Variants in CRLF3 observed in about 807,000 individuals in gnomAD.
CRLF3 encodes the protein cytokine receptor-like factor 3.
CRLF3 carries 33 observed loss-of-function variants against 55.0 expected under a neutral mutation model. That is an observed-to-expected ratio of 0.60 (90% CI 0.46 to 0.80). CRLF3 has a LOEUF of 0.80. Among genes scored for constraint, CRLF3 ranks in the 30% least tolerant of loss-of-function variants. The probability of loss-of-function intolerance (pLI) is 0.00; values close to 1 mark genes in which losing one functional copy is unlikely to be tolerated. For synonymous variants in CRLF3, 238 were observed against 196.8 expected, an observed-to-expected ratio of 1.21 and a Z score of -1.75; for missense variants, 494 against 538.4, an observed-to-expected ratio of 0.92 and a Z score of 0.82.
Position 30,792,528 on chromosome 17 carries a change from T to C in CRLF3, c.871A>G (p.Asn291Asp). 6.2e-7 allele frequency: 1 copy of C among 1,612,566 alleles called. No homozygotes were observed. Among genetic ancestry groups the C allele is most frequent in the Non-Finnish European group, 8.5e-7 (1 of 1,178,676 alleles). Residue 291 changes from asparagine to aspartate, a missense_variant, in exon 6 of 8, where the codon AAT becomes GAT. Transcript: ENST00000324238. Reference protein sequence around the residue: ...FEGYSLSSRRNIALRNDSESS... With the variant: ...FEGYSLSSRRDIALRNDSESS... ...TCAGAATCGTTCCGAAGTGCTATAT[T>C]TCTTCGACTGCTCAGACTGTACCCC... is the stretch of plus-strand genomic sequence containing the variant.
rs371153986 is a variant in CRLF3, at chr17:30,789,959, T to C, written c.959+2481A>G. On this transcript the variant is annotated intron_variant, in intron 6 of 7. Transcript: ENST00000324238. Reference sequence around the variant, plus strand: ...TAAGTACAGAAAACTCATGATTACCTGGGGAATAGTTAAATAGATTTTAGG... The same window carrying C: ...TAAGTACAGAAAACTCATGATTACCCGGGGAATAGTTAAATAGATTTTAGG... Among the ~76,000 whole-genome samples, 15 of 151,884 alleles carry C rather than the reference T, an allele frequency of 9.9e-5. No homozygotes were observed. The East Asian group carries it at 2.9e-3, about 29-fold the overall frequency.
chr17:30,788,051 G>C (rs552678115), intron 6 of CRLF3, among the ~76,000 whole-genome samples: 5 of 151,764 alleles, frequency 3.3e-5, no homozygotes, highest in Non-Finnish European at 7.4e-5. Flanking sequence ...AAAATAGGCC[G>C]GGTGCAGTGG....
intron 6 of CRLF3, chr17:30,787,717 G>A (rs1025063672): frequency 1.3e-5 from 2 of 152,078 alleles, no homozygotes; most frequent in African/African-American, 4.8e-5. Flanking sequence ...TGGGGAGGAG[G>A]GGCCGGGCAT....
chr17:30,795,836 C>T (rs993516998), intron 4 of CRLF3, among the ~76,000 whole-genome samples: 39 of 151,704 alleles, frequency 2.6e-4, no homozygotes, highest in African/African-American at 8.7e-4. Flanking sequence ...CTCAGGAGGC[C>T]GAAGCAGGAG....
At chr17:30,795,171 A>G (rs1309767770) in intron 4 of CRLF3, among the ~76,000 whole-genome samples, 2 of 151,308 alleles carry the variant, frequency 1.3e-5, no homozygotes, top group Non-Finnish European at 2.9e-5. Context: ...TAAAAAAAGA[A>G]AAAAAAATTT....
chr17:30,795,876 C>A (rs1280581512), intron 4 of CRLF3, among the ~76,000 whole-genome samples: 1 of 151,858 alleles, frequency 6.6e-6, no homozygotes, highest in East Asian at 1.9e-4. Flanking sequence ...AAGCGGCAGG[C>A]GGGGGAGGGC....
chr17:30,824,120 C>A (rs1905069583), intron 1 of CRLF3, among the ~76,000 whole-genome samples: 1 of 151,964 alleles, frequency 6.6e-6, no homozygotes, highest in African/African-American at 2.4e-5. Flanking sequence ...ACTGTCCCAC[C>A]TCTTCCTCAG....
At chr17:30,816,435 C>T (rs1011711750) in intron 1 of CRLF3, among the ~76,000 whole-genome samples, 6 of 151,472 alleles carry the variant, frequency 4.0e-5, no homozygotes, top group African/African-American at 1.5e-4. Flanking sequence ...TAATGGTAGT[C>T]CCATAACATT....
In CRLF3 at chr17:30,793,503, TC is replaced by T; in HGVS notation, c.772del (p.Glu258SerfsTer10). ...CTGGGGGACACTCCAAGGACTCCAC[TC>T]CTGTCGGCCATCTCCTCGGGCGCAG... is the stretch of plus-strand genomic sequence containing the variant. ...RVCARGDGRQEWSPWSVPQIG... is the reference protein window; with the variant it reads ...RVCARGDGRQXWSPWSVPQIG... On this transcript the variant is annotated frameshift_variant, in exon 5 of 8. Coordinates refer to ENST00000324238, the MANE Select transcript of CRLF3 (RefSeq NM_015986.4). LOFTEE classifies it high-confidence loss of function. The T allele has an allele frequency of 6.2e-7, 1 of 1,614,138 alleles. No individual in the cohort carries two copies. Among genetic ancestry groups the T allele is most frequent in the Non-Finnish European group, 8.5e-7 (1 of 1,180,022 alleles).
chr17:30,813,982 T>C (rs2142270611), intron 1 of CRLF3, among the ~76,000 whole-genome samples: 1 of 152,124 alleles, frequency 6.6e-6, no homozygotes, highest in East Asian at 1.9e-4. Flanking sequence ...CTGGGTTGGG[T>C]GTGGTGGCTC....
chr17:30,808,608 T>TA (rs1374639458), intron 1 of CRLF3, among the ~76,000 whole-genome samples: 316 of 142,764 alleles, frequency 2.2e-3, no homozygotes, highest in African/African-American at 6.8e-3. Flanking sequence ...ATATATATAT[T>TA]TTTTTTTTGA....
At chr17:30,785,501 C>A (rs1812333315) in intron 7 of CRLF3, among the ~76,000 whole-genome samples, 1 of 152,018 alleles carries the variant, frequency 6.6e-6, no homozygotes, top group South Asian at 2.1e-4. Context: ...AACTTTCAGC[C>A]AGCCACGGTG....
intron 1 of CRLF3, among the ~76,000 whole-genome samples, chr17:30,818,804 T>C (rs1904892440): frequency 6.7e-6 from 1 of 150,018 alleles, no homozygotes; most frequent in Non-Finnish European, 1.5e-5. Flanking sequence ...TCTTGGTTTT[T>C]TGAAATAACT....
chr17:30,815,396 AT>A (rs1423370089), intron 1 of CRLF3, among the ~76,000 whole-genome samples: 2 of 150,624 alleles, frequency 1.3e-5, no homozygotes, highest in Admixed American at 6.6e-5. Context: ...AACTTTTTGT[AT>A]TTTTAGTAGA....
chr17:30,804,250 G>A, intron 1 of CRLF3, 142 bp from the exon 2 acceptor site: 1 of 642,322 alleles, frequency 1.6e-6, no homozygotes, highest in Non-Finnish European at 2.7e-6. Flanking sequence ...TTATATTTAA[G>A]GTGTGATATT....
At chr17:30,808,252 TTCC>T (rs1811054704) in intron 1 of CRLF3, among the ~76,000 whole-genome samples, 1 of 151,726 alleles carries the variant, frequency 6.6e-6, no homozygotes, top group African/African-American at 2.4e-5. Flanking sequence ...TTTTTTTTCT[TTCC>T]TCCTCCTCCC....
chr17:30,824,048 C>G (rs1274374717), intron 1 of CRLF3, among the ~76,000 whole-genome samples: 1 of 152,122 alleles, frequency 6.6e-6, no homozygotes, highest in Non-Finnish European at 1.5e-5. Flanking sequence ...CTCCCTCACT[C>G]TCGCCCCTTA....
chr17:30,789,436 A>G (rs1453502934), intron 6 of CRLF3, among the ~76,000 whole-genome samples: 1 of 152,220 alleles, frequency 6.6e-6, no homozygotes, highest in Non-Finnish European at 1.5e-5. Context: ...CATCAGATCA[A>G]GTGGTGAAAG....
rs561005488 is a variant in CRLF3 at position 30,784,073 on chromosome 17, T to A, written c.*114A>T. On this transcript the variant is annotated 3_prime_UTR_variant, in exon 8 of 8. Coordinates refer to ENST00000324238, the MANE Select transcript of CRLF3 (RefSeq NM_015986.4). ...TACAAAATGAATCCAGTAAACACTTTCCAATGGCCTAAGTTAGAGATGAAT... is the reference window on the plus strand; with the variant it reads ...TACAAAATGAATCCAGTAAACACTTACCAATGGCCTAAGTTAGAGATGAAT... 2.4e-5 allele frequency: 22 copies of A among 913,498 alleles called. No homozygotes were observed. The highest frequency in any genetic ancestry group is 3.3e-5 in the Non-Finnish European group (20 of 602,896). The allele number at this position is 913,498 out of a possible 1,614,324, so 56.6% of individuals were successfully genotyped here. A position where few individuals can be genotyped will look rare whatever the true frequency, so the allele number is the denominator to read the frequency against.
Sources: gnomAD v4.1 joint callset for allele counts (sites outside exome capture counted in the v4.1 genomes callset) on GRCh38, gnomAD v4.1.1 for gene constraint, MANE v1.5 for transcripts, NCBI Gene and HGNC (gene_info 2026-07-23, HGNC 2026-07-21) for gene names.